Variants in SMG1 observed in about 807,000 individuals in gnomAD.
SMG1 encodes the protein SMG1 nonsense mediated mRNA decay associated PI3K related kinase.
SMG1 carries 22 observed loss-of-function variants against 419.9 expected under a neutral mutation model. The ratio of observed to expected loss-of-function variants is 0.05; its 90% confidence interval spans 0.04 to 0.07. The LOEUF is 0.07. Ranked by LOEUF, SMG1 falls within the 10% of genes least tolerant of loss-of-function variation. The pLI is 1.00. For missense variants in SMG1, 3,185 were observed against 4,342.0 expected (o/e 0.73, Z 7.49); for synonymous variants, 1,538 against 1,553.5 (o/e 0.99, Z 0.23).
intron 7 of SMG1, 158 bp downstream of exon 7, chr16:18,885,383 G>A (rs1201237246): frequency 4.3e-6 from 4 of 933,846 alleles, no homozygotes; most frequent in Non-Finnish European, 6.8e-6. Context: ...AGGTATGAAT[G>A]TCAGAAAGAA....
chr16:18,869,943 G>A lies in SMG1; in HGVS notation c.2544C>T (p.His848=). Residue 848 remains histidine, a synonymous_variant, in exon 19 of 63, where the codon CAC becomes CAT. Coordinates refer to ENST00000446231, the MANE Select transcript of SMG1 (RefSeq NM_015092.5). ...IQEISLALRS[H]MSKAPSNTFH... is the part of the protein sequence containing the mutation. Reference sequence around the variant, plus strand: ...ATGTATTACTTGGTGCTTTACTCATGTGACTTCTTAATGCTAAAGAAATTT... The same window carrying A: ...ATGTATTACTTGGTGCTTTACTCATATGACTTCTTAATGCTAAAGAAATTT... 1 of 1,529,054 alleles carries A rather than the reference G, an allele frequency of 6.5e-7. No homozygotes were observed. The allele number at this position is 1,529,054 out of a possible 1,614,324, so 94.7% of individuals were successfully genotyped here. A position where few individuals can be genotyped will look rare whatever the true frequency, so the allele number is the denominator to read the frequency against.
rs1345580768 is a variant in SMG1, at chr16:18,869,150, C to T, written c.2787G>A (p.Leu929=). ...EAAQFTVLSK[L]RTPLGRAQDT... Reference sequence around the variant, plus strand: ...CTTGAGCTCTGCCCAGTGGGGTTCTCAGCTTAGAAAGAACAGTGAATTGTG... The same window carrying T: ...CTTGAGCTCTGCCCAGTGGGGTTCTTAGCTTAGAAAGAACAGTGAATTGTG... The change falls in exon 20 of 63, where the codon CTG becomes CTA. Residue 929 remains leucine, a synonymous_variant. Transcript: ENST00000446231. 1.2e-6 allele frequency: 2 copies of T among 1,611,742 alleles called. No individual in the cohort carries two copies. Among genetic ancestry groups the T allele is most frequent in the African/African-American group, 1.3e-5 (1 of 74,958 alleles).
At chr16:18,873,519 C>T (rs1288148912) in intron 13 of SMG1, among the ~76,000 whole-genome samples, 1 of 152,116 alleles carries the variant, frequency 6.6e-6, no homozygotes, top group Non-Finnish European at 1.5e-5. Context: ...CCCAGCCCAA[C>T]GAGAACTTTC....
At chr16:18,900,331 T>G (rs1213469322) in intron 1 of SMG1, among the ~76,000 whole-genome samples, 1 of 152,186 alleles carries the variant, frequency 6.6e-6, no homozygotes, top group Non-Finnish European at 1.5e-5. Flanking sequence ...TAGCTACCTA[T>G]TCTCAATATA....
At position 18,850,382 on chromosome 16, in the gene SMG1, G is replaced by A. The variant is rs2034521834; in HGVS notation, c.5138C>T (p.Ser1713Leu). Reference sequence around the variant, plus strand: ...AAGTTCTGAAAGCCATGGGCAGCTTGATATCAACTGACGCCAGATAACATC... The same window carrying A: ...AAGTTCTGAAAGCCATGGGCAGCTTAATATCAACTGACGCCAGATAACATC... ...MVDVIWRQLI[S>L]SCPWLSELDE... Residue 1713 changes from serine to leucine, a missense_variant, in exon 34 of 63, where the codon TCA becomes TTA. Physicochemically the swap from Ser to Leu is moderately radical, Grantham distance 145 (BLOSUM62 -2). Coordinates refer to ENST00000446231, the MANE Select transcript of SMG1 (RefSeq NM_015092.5). The A allele has an allele frequency of 6.2e-7, 1 of 1,613,800 alleles. No individual in the cohort carries two copies. The highest frequency in any genetic ancestry group is 1.1e-5 in the South Asian group (1 of 91,080).
intron 36 of SMG1, among the ~76,000 whole-genome samples, chr16:18,848,899 C>T (rs939060631): frequency 4.6e-5 from 7 of 151,326 alleles, no homozygotes; most frequent in Non-Finnish European, 7.4e-5. Context: ...GGTGAAACCC[C>T]GACTCTACTG....
At chr16:18,834,162 C>T in intron 50 of SMG1, 42 bp downstream of exon 50, 1 of 1,380,722 alleles carries the variant, frequency 7.2e-7, no homozygotes, top group South Asian at 1.3e-5. Context: ...AGACAATATT[C>T]AGTATCTAAA....
intron 46 of SMG1, among the ~76,000 whole-genome samples, chr16:18,836,764 G>C (rs1253134804): frequency 1.3e-5 from 2 of 152,156 alleles, no homozygotes; most frequent in Non-Finnish European, 2.9e-5. Flanking sequence ...TAGGTTCCTT[G>C]AAGGTTAGAG....
chr16:18,854,778 C>T lies in SMG1; in HGVS notation c.4361G>A (p.Gly1454Glu). 3 of 1,614,002 alleles carry T rather than the reference C, an allele frequency of 1.9e-6. No homozygotes were observed. Among genetic ancestry groups the T allele is most frequent in the South Asian group, 1.1e-5 (1 of 91,084 alleles). The change falls in exon 30 of 63, where the codon GGA becomes GAA. Residue 1454 changes from glycine (G) to glutamate (E), a missense_variant. Gly to Glu is a moderately conservative substitution (Grantham distance 98). Coordinates refer to ENST00000446231, the MANE Select transcript of SMG1 (RefSeq NM_015092.5). ...LLAQCSEVQL[G>E]KTTTAQDLVQ... Reference sequence around the variant, plus strand: ...TAAATCCTGTGCAGTGGTGGTCTTTCCCAGCTGAACTTCACTGCACTGTGC... The same window carrying T: ...TAAATCCTGTGCAGTGGTGGTCTTTTCCAGCTGAACTTCACTGCACTGTGC...
intron 1 of SMG1, among the ~76,000 whole-genome samples, chr16:18,910,232 AT>A (rs34246490): frequency 0.013 from 1,822 of 136,428 alleles, 30 homozygotes; most frequent in African/African-American, 0.037. Flanking sequence ...ATGCCCAGCT[AT>A]TTTTTTTTTT....
intron 1 of SMG1, among the ~76,000 whole-genome samples, chr16:18,909,340 C>G (rs1219838649): frequency 6.6e-6 from 1 of 151,384 alleles, no homozygotes; most frequent in Non-Finnish European, 1.5e-5. Flanking sequence ...GAAACTCCAT[C>G]TCAAAAAAAG....
At chr16:18,900,017 C>G in intron 1 of SMG1, 1 of 1,530,700 alleles carries the variant, frequency 6.5e-7, no homozygotes, top group South Asian at 1.2e-5. Flanking sequence ...TAATATGGAG[C>G]CTTTGTGATG....
intron 10 of SMG1, among the ~76,000 whole-genome samples, chr16:18,880,670 G>A (rs1213173596): frequency 3.0e-5 from 4 of 135,508 alleles, no homozygotes; most frequent in Non-Finnish European, 3.1e-5. Context: ...AGCCAAGATC[G>A]TGCCACTGCA....
intron 35 of SMG1, among the ~76,000 whole-genome samples, chr16:18,849,698 T>C (rs1004266782): frequency 6.6e-6 from 1 of 152,172 alleles, no homozygotes; most frequent in Non-Finnish European, 1.5e-5. Context: ...TAAAACCTTT[T>C]GAAAATTTTT....
Position 18,869,246 on chromosome 16 carries a change from G to C in SMG1, c.2691C>G (p.Asp897Glu). 4 of 1,611,552 alleles carry C rather than the reference G, an allele frequency of 2.5e-6. No individual in the cohort carries two copies. The highest frequency in any genetic ancestry group is 1.7e-6 in the Non-Finnish European group (2 of 1,179,560). The change falls in exon 20 of 63, where the codon GAC (aspartate) becomes GAG (glutamate). Residue 897 changes from aspartate (D) to glutamate (E), a missense_variant. By Grantham distance (45) the Asp-to-Glu change is conservative. This residue lies in a region of SMG1 where 48 missense variants were observed against 48.8 expected (regional missense o/e 0.98). Coordinates refer to ENST00000446231, the MANE Select transcript of SMG1 (RefSeq NM_015092.5). ...FYSCQRLDKR[D>E]QSTIPRNLLK... ...GGAGATTGCGTGGAATTGTTGACTG[G>C]TCACGCTTATCCAGTCTCTGGCAGC...
chr16:18,881,585 A>T (rs1217452433), intron 10 of SMG1, among the ~76,000 whole-genome samples: 2 of 152,216 alleles, frequency 1.3e-5, no homozygotes, highest in Admixed American at 1.3e-4. Context: ...TTCAAAGCAG[A>T]GTACAATGCC....
At chr16:18,916,076 A>T (rs1596658097) in intron 1 of SMG1, among the ~76,000 whole-genome samples, 1 of 122,416 alleles carries the variant, frequency 8.2e-6, no homozygotes, top group Non-Finnish European at 1.7e-5. Flanking sequence ...TCTCAAAAAA[A>T]AAAAAAAAAA....
At chr16:18,854,997 T>G in intron 29 of SMG1, 93 bp from the exon 30 acceptor site, 1 of 1,176,086 alleles carries the variant, frequency 8.5e-7, no homozygotes, top group Non-Finnish European at 1.2e-6. Flanking sequence ...ACTATCCCTC[T>G]TCTGCACCAC....
At chr16:18,905,858 C>T (rs550725801) in intron 1 of SMG1, among the ~76,000 whole-genome samples, 100 of 152,148 alleles carry the variant, frequency 6.6e-4, no homozygotes, top group African/African-American at 1.6e-3. Flanking sequence ...GGGATCCAGC[C>T]GCCTCGGCCT....
Sources: allele counts gnomAD v4.1 joint callset (sites outside exome capture counted in the v4.1 genomes callset), GRCh38; gene constraint gnomAD v4.1.1; regional missense constraint gnomAD v4.1.1; transcripts MANE v1.5; gene names NCBI Gene and HGNC (gene_info 2026-07-23, HGNC 2026-07-21).